SPOCK3: variants seen among roughly 807,000 people sequenced by gnomAD.
The protein encoded by SPOCK3 is testican-3.
In SPOCK3, 30 loss-of-function variants were observed where a neutral mutation model predicts 56.6. That is an observed-to-expected ratio of 0.53 (90% CI 0.40 to 0.72). SPOCK3 has a LOEUF of 0.72. Ranked by LOEUF, SPOCK3 falls within the 30% of genes least tolerant of loss-of-function variation. The pLI is 0.00. For synonymous variants in SPOCK3, 196 were observed against 183.3 expected (o/e 1.07, Z -0.56); for missense variants, 527 against 530.0 (o/e 0.99, Z 0.06).
intron 2 of SPOCK3, among the ~76,000 whole-genome samples, chr4:167,162,456 GTACT>G (rs901837134): frequency 5.9e-5 from 9 of 152,046 alleles, no homozygotes; most frequent in African/African-American, 1.2e-4. Context: ...CTAGCCCCAT[GTACT>G]TACTTAAGTT....
At chr4:166,833,594 C>G (rs1009215210) in intron 6 of SPOCK3, among the ~76,000 whole-genome samples, 1 of 152,178 alleles carries the variant, frequency 6.6e-6, no homozygotes, top group African/African-American at 2.4e-5. Context: ...GGATTTAAAG[C>G]TACCATGTGC....
At chr4:167,216,439 A>G (rs1735368066) in intron 2 of SPOCK3, among the ~76,000 whole-genome samples, 1 of 152,138 alleles carries the variant, frequency 6.6e-6, no homozygotes, top group South Asian at 2.1e-4. Context: ...GCCTGAAAAC[A>G]TGAAGGTTAT....
At chr4:167,210,005 C>A (rs1343460448) in intron 2 of SPOCK3, among the ~76,000 whole-genome samples, 1 of 152,054 alleles carries the variant, frequency 6.6e-6, no homozygotes, top group Non-Finnish European at 1.5e-5. Flanking sequence ...TTGTGGATAT[C>A]CATCAAAATC....
At chr4:166,856,697 C>T (rs556982248) in intron 6 of SPOCK3, among the ~76,000 whole-genome samples, 1 of 152,094 alleles carries the variant, frequency 6.6e-6, no homozygotes, top group Non-Finnish European at 1.5e-5. Flanking sequence ...TTGCTTGAAC[C>T]CGGGAGGCGG....
At chr4:167,002,934 A>G (rs1749094744) in intron 3 of SPOCK3, among the ~76,000 whole-genome samples, 2 of 152,206 alleles carry the variant, frequency 1.3e-5, no homozygotes, top group East Asian at 1.9e-4. Flanking sequence ...CTATATGTAC[A>G]TATATGTCAT....
chr4:167,005,860 C>T (rs1749417563), intron 3 of SPOCK3, among the ~76,000 whole-genome samples: 1 of 152,040 alleles, frequency 6.6e-6, no homozygotes, highest in Non-Finnish European at 1.5e-5. Context: ...GATTTTAAGT[C>T]AATTTAGCAT....
chr4:167,004,185 T>C (rs1186164486), intron 3 of SPOCK3, among the ~76,000 whole-genome samples: 1 of 152,166 alleles, frequency 6.6e-6, no homozygotes, highest in East Asian at 1.9e-4. Flanking sequence ...CATAACAATA[T>C]ATAATATGCA....
intron 4 of SPOCK3, among the ~76,000 whole-genome samples, chr4:166,944,308 T>C (rs1436049966): frequency 6.6e-6 from 1 of 152,134 alleles, no homozygotes; most frequent in Non-Finnish European, 1.5e-5. Context: ...CCAATATGTC[T>C]GTATTTCTTA....
At chr4:167,201,228 A>G (rs944093498) in intron 2 of SPOCK3, among the ~76,000 whole-genome samples, 13 of 152,064 alleles carry the variant, frequency 8.5e-5, no homozygotes, top group Non-Finnish European at 1.5e-4. Flanking sequence ...ATACTGTATT[A>G]TCTCTTTTCA....
chr4:166,938,905 GAGAA>G (rs1740753680), intron 4 of SPOCK3, among the ~76,000 whole-genome samples: 4 of 151,764 alleles, frequency 2.6e-5, no homozygotes, highest in African/African-American at 9.7e-5. Flanking sequence ...AACCTTTTTT[GAGAA>G]TCTACTGTTT....
At chr4:166,749,241 T>G (rs183845592) in intron 8 of SPOCK3, among the ~76,000 whole-genome samples, 1 of 137,688 alleles carries the variant, frequency 7.3e-6, no homozygotes, top group Non-Finnish European at 1.5e-5. Flanking sequence ...CCAACCCAAA[T>G]GTCCATCAAT....
At chr4:167,211,376 C>T (rs1734854862) in intron 2 of SPOCK3, among the ~76,000 whole-genome samples, 1 of 151,998 alleles carries the variant, frequency 6.6e-6, no homozygotes, top group African/African-American at 2.4e-5. Context: ...TGAGTTAACA[C>T]TCTGGGGGAC....
intron 2 of SPOCK3, among the ~76,000 whole-genome samples, chr4:167,209,756 T>TG (rs1734685673): frequency 6.6e-6 from 1 of 152,050 alleles, no homozygotes; most frequent in Non-Finnish European, 1.5e-5. Context: ...CTCAGACAAC[T>TG]GGGGACACTC....
At chr4:167,193,406 C>T (rs13102922) in intron 2 of SPOCK3, among the ~76,000 whole-genome samples, 4 of 146,206 alleles carry the variant, frequency 2.7e-5, no homozygotes, top group Non-Finnish European at 6.0e-5. Context: ...CACACATTTA[C>T]TTTCCTCCTC....
intron 2 of SPOCK3, among the ~76,000 whole-genome samples, chr4:167,123,580 T>C (rs1184904501): frequency 2.0e-5 from 3 of 152,066 alleles, no homozygotes; most frequent in African/African-American, 7.2e-5. Context: ...TCCATGGTTC[T>C]AGGTTTGACT....
chr4:167,009,478 A>G (rs959741360), intron 3 of SPOCK3, among the ~76,000 whole-genome samples: 1 of 152,218 alleles, frequency 6.6e-6, no homozygotes, highest in African/African-American at 2.4e-5. Flanking sequence ...AATTTATATT[A>G]CTTTCACGGT....
intron 2 of SPOCK3, among the ~76,000 whole-genome samples, chr4:167,089,837 T>A (rs1231249404): frequency 6.6e-6 from 1 of 152,126 alleles, no homozygotes; most frequent in Non-Finnish European, 1.5e-5. Flanking sequence ...TCTGTTTTCT[T>A]CCCCCAGTGA....
At chr4:166,861,708 C>G (rs769856120) in intron 6 of SPOCK3, among the ~76,000 whole-genome samples, 1 of 152,064 alleles carries the variant, frequency 6.6e-6, no homozygotes, top group African/African-American at 2.4e-5. Flanking sequence ...CCACAACATA[C>G]TGGGGTTCCT....
intron 6 of SPOCK3, among the ~76,000 whole-genome samples, chr4:166,830,689 G>T: frequency 6.6e-6 from 1 of 151,988 alleles, no homozygotes; most frequent in East Asian, 1.9e-4. Context: ...AGCCAAGATC[G>T]TGTCACTGCA....
Sources: allele counts gnomAD v4.1 joint callset (sites outside exome capture counted in the v4.1 genomes callset), GRCh38; gene constraint gnomAD v4.1.1; transcripts MANE v1.5; gene names NCBI Gene and HGNC (gene_info 2026-07-23, HGNC 2026-07-21).